DBT: variants seen among roughly 807,000 people sequenced by gnomAD.
The protein encoded by DBT is lipoamide acyltransferase component of branched-chain alpha-keto acid dehydrogenase complex, mitochondrial.
DBT carries 40 observed loss-of-function variants against 51.3 expected under a neutral mutation model. That is an observed-to-expected ratio of 0.78 (90% CI 0.61 to 1.02). The LOEUF is 1.02. DBT is among the 50% of genes least tolerant of loss of function. The probability of loss-of-function intolerance (pLI) is 0.00; values close to 1 mark genes in which losing one functional copy is unlikely to be tolerated. For synonymous variants in DBT, 181 were observed against 190.4 expected, an observed-to-expected ratio of 0.95 and a Z score of 0.41; for missense variants, 510 against 580.2, an observed-to-expected ratio of 0.88 and a Z score of 1.24.
intron 8 of DBT, among the ~76,000 whole-genome samples, chr1:100,207,962 C>T: frequency 6.6e-6 from 1 of 152,138 alleles, no homozygotes; most frequent in Admixed American, 6.5e-5. Context: ...GAAACCCCAT[C>T]TGTACGAAAA....
chr1:100,242,816 A>G (rs1056724986), intron 1 of DBT, among the ~76,000 whole-genome samples: 1 of 152,236 alleles, frequency 6.6e-6, no homozygotes, highest in Non-Finnish European at 1.5e-5. Flanking sequence ...TTTAAATAAA[A>G]TTGTTCATAT....
intron 10 of DBT, among the ~76,000 whole-genome samples, chr1:100,203,590 A>T (rs1661578479): frequency 2.0e-5 from 3 of 152,238 alleles, no homozygotes; most frequent in African/African-American, 7.2e-5. Context: ...ATCCTCCCTA[A>T]CTCATTTTAT....
Position 100,190,474 on chromosome 1 carries a change from A to C in DBT, c.*5781T>G, listed in dbSNP as rs1660759931. On this transcript the variant is annotated 3_prime_UTR_variant, in exon 11 of 11. Transcript: ENST00000370132. ...CACATAACATTACCCTGCCACAATGAAATTTGTAGAGGTCTGGGATCAGTC... is the reference window on the plus strand; with the variant it reads ...CACATAACATTACCCTGCCACAATGCAATTTGTAGAGGTCTGGGATCAGTC... 1 of 152,244 alleles carries C rather than the reference A, an allele frequency of 6.6e-6. No homozygotes were observed. The highest frequency in any genetic ancestry group is 1.5e-5 in the Non-Finnish European group (1 of 68,050). 9.4% of individuals were successfully genotyped at this position (152,244 alleles called of 1,614,324 possible). A position where few individuals can be genotyped will look rare whatever the true frequency, so the allele number is the denominator to read the frequency against.
chr1:100,225,826 CAAAAAAAA>C (rs71084809), intron 4 of DBT, among the ~76,000 whole-genome samples: 1 of 86,934 alleles, frequency 1.2e-5, no homozygotes, highest in Non-Finnish European at 2.1e-5. Context: ...CTCCATCTCA[CAAAAAAAA>C]AAAAAAAAAA....
rs1662307076 is a variant in DBT, at chr1:100,213,788, G to C, written c.939+1029C>G. The C allele has an allele frequency of 5.5e-6, 8 of 1,453,612 alleles. No homozygotes were observed. The Admixed American group carries it at 1.9e-4, about 35-fold the overall frequency. 90.0% of individuals were successfully genotyped at this position (1,453,612 alleles called of 1,614,324 possible). On this transcript the variant is annotated intron_variant, in intron 7 of 10. Coordinates refer to ENST00000370132, the MANE Select transcript of DBT (RefSeq NM_001918.5). ...CTGTTTTGTAAAGCGAGGTGGGACC[G>C]ATGTGGCACACGCCAGCTGCGGTTT...
intron 1 of DBT, among the ~76,000 whole-genome samples, chr1:100,243,869 G>A (rs1442619436): frequency 7.3e-5 from 11 of 150,870 alleles, no homozygotes; most frequent in Non-Finnish European, 1.2e-4. Context: ...ACACACTCAA[G>A]CATGGACATG....
chr1:100,218,933 G>C (rs752066270), intron 4 of DBT, among the ~76,000 whole-genome samples, 186 bp from the exon 5 acceptor site: 1 of 2,366 alleles, frequency 4.2e-4, no homozygotes, highest in African/African-American at 6.0e-4. Flanking sequence ...TGGGTAGAGT[G>C]GGGGGGGGGG....
At chr1:100,248,204 A>G (rs10127458) in intron 1 of DBT, among the ~76,000 whole-genome samples, 116,718 of 151,648 alleles carry the variant, frequency 0.77, 46,756 homozygotes, top group East Asian at 0.94. Flanking sequence ...CTCCTCTTCC[A>G]CCTTCCTGCC....
intron 2 of DBT, among the ~76,000 whole-genome samples, chr1:100,236,725 G>A (rs539108528): frequency 6.6e-6 from 1 of 152,060 alleles, no homozygotes; most frequent in South Asian, 2.1e-4. Flanking sequence ...GTTACTATAG[G>A]GTCATAATGA....
chr1:100,239,378 G>A (rs1366355817), intron 2 of DBT, among the ~76,000 whole-genome samples: 2 of 152,002 alleles, frequency 1.3e-5, no homozygotes, highest in Non-Finnish European at 2.9e-5. Context: ...TATTTTCTCT[G>A]GGAAGTAACA....
rs181183180 is a variant in DBT, at chr1:100,188,495, A to G, written c.*7760T>C. On this transcript the variant is annotated 3_prime_UTR_variant, in exon 11 of 11. Coordinates refer to ENST00000370132, the MANE Select transcript of DBT (RefSeq NM_001918.5). ...ACTTGAAGTTAAATAGCTTTTTCCAAGTTTAATACAGTTTGATGGCTCTTC... is the reference window on the plus strand; with the variant it reads ...ACTTGAAGTTAAATAGCTTTTTCCAGGTTTAATACAGTTTGATGGCTCTTC... 2.6e-5 allele frequency: 4 copies of G among 151,888 alleles called. No individual in the cohort carries two copies. In the East Asian group the frequency reaches 7.7e-4, roughly 29 times the overall value. The allele number at this position is 151,888 out of a possible 1,614,324, so 9.4% of individuals were successfully genotyped here.
intron 4 of DBT, among the ~76,000 whole-genome samples, chr1:100,225,094 C>T (rs1018713758): frequency 2.2e-5 from 3 of 134,530 alleles, no homozygotes; most frequent in Non-Finnish European, 3.1e-5. Flanking sequence ...CACACACACA[C>T]ATATAATCTG....
At chr1:100,203,206 G>C (rs1365067956) in intron 10 of DBT, among the ~76,000 whole-genome samples, 1 of 152,108 alleles carries the variant, frequency 6.6e-6, no homozygotes, top group African/African-American at 2.4e-5. Flanking sequence ...CTGCTAGCTG[G>C]ACTAATAAAG....
chr1:100,225,897 G>A (rs1253918672), intron 4 of DBT, among the ~76,000 whole-genome samples: 1 of 151,256 alleles, frequency 6.6e-6, no homozygotes, highest in Non-Finnish European at 1.5e-5. Flanking sequence ...TACTTGGGAA[G>A]CTAAGGCAGA....
chr1:100,215,307 G>A (rs1472063538), intron 6 of DBT, among the ~76,000 whole-genome samples: 1 of 152,178 alleles, frequency 6.6e-6, no homozygotes, highest in Admixed American at 6.5e-5. Flanking sequence ...TCTTCTGGAA[G>A]TTAATCATTC....
At chr1:100,209,597 T>G (rs1189488935) in intron 8 of DBT, among the ~76,000 whole-genome samples, 1 of 152,156 alleles carries the variant, frequency 6.6e-6, no homozygotes. Context: ...GTTTTGCTCT[T>G]GTCGCCCACG....
At chr1:100,209,098 CT>C (rs10707303) in intron 8 of DBT, among the ~76,000 whole-genome samples, 107,154 of 134,356 alleles carry the variant, frequency 0.8, 42,668 homozygotes, top group East Asian at 0.94. Context: ...CTTTTCTTTT[CT>C]TTTTTTTTTT....
chr1:100,208,567 G>A (rs1224320929), intron 8 of DBT, among the ~76,000 whole-genome samples: 3 of 152,090 alleles, frequency 2.0e-5, no homozygotes, highest in Non-Finnish European at 2.9e-5. Flanking sequence ...AAATAACAAA[G>A]CTATACTTGT....
At chr1:100,218,575 C>T in intron 5 of DBT, 51 bp downstream of exon 5, 1 of 1,605,090 alleles carries the variant, frequency 6.2e-7, no homozygotes. Flanking sequence ...TTCAGAGATA[C>T]AAATGTACAC....
Sources: allele counts gnomAD v4.1 joint callset (sites outside exome capture counted in the v4.1 genomes callset), GRCh38; gene constraint gnomAD v4.1.1; transcripts MANE v1.5; gene names NCBI Gene and HGNC (gene_info 2026-07-23, HGNC 2026-07-21).